ARIH1: variants seen among roughly 807,000 people sequenced by gnomAD.
ARIH1 encodes the protein E3 ubiquitin-protein ligase ARIH1.
ARIH1 carries 8 observed loss-of-function variants against 85.0 expected under a neutral mutation model. That is an observed-to-expected ratio of 0.09 (90% CI 0.06 to 0.17). ARIH1 has a LOEUF of 0.17. ARIH1 is among the 10% of genes least tolerant of loss of function. The probability of loss-of-function intolerance (pLI) is 1.00; values close to 1 mark genes in which losing one functional copy is unlikely to be tolerated. For missense variants in ARIH1, 311 were observed against 718.1 expected, an observed-to-expected ratio of 0.43 and a Z score of 6.48; for synonymous variants, 238 against 253.6, an observed-to-expected ratio of 0.94 and a Z score of 0.59.
chr15:72,517,429 AT>A (rs386383464), intron 1 of ARIH1, among the ~76,000 whole-genome samples: 101 of 146,274 alleles, frequency 6.9e-4, no homozygotes, highest in Middle Eastern at 3.5e-3. Flanking sequence ...TTTAAAACAA[AT>A]TTTTTTTTTT....
At chr15:72,552,661 G>C (rs1567354232) in intron 3 of ARIH1, among the ~76,000 whole-genome samples, 1 of 152,088 alleles carries the variant, frequency 6.6e-6, no homozygotes, top group African/African-American at 2.4e-5. Flanking sequence ...TACTGTTACA[G>C]TGTGTGTGTA....
intron 1 of ARIH1, among the ~76,000 whole-genome samples, chr15:72,492,507 C>G (rs1445558396): frequency 6.6e-6 from 1 of 152,200 alleles, no homozygotes; most frequent in Non-Finnish European, 1.5e-5. Flanking sequence ...ACTTTTTAAC[C>G]TGTTCACCAC....
intron 5 of ARIH1, among the ~76,000 whole-genome samples, chr15:72,559,578 G>A (rs1033255051): frequency 3.9e-5 from 6 of 152,100 alleles, no homozygotes; most frequent in African/African-American, 1.4e-4. Flanking sequence ...GCCAGCAACT[G>A]TATTTTTAAG....
At chr15:72,522,549 G>C (rs2064005011) in intron 2 of ARIH1, among the ~76,000 whole-genome samples, 1 of 151,686 alleles carries the variant, frequency 6.6e-6, no homozygotes, top group East Asian at 1.9e-4. Flanking sequence ...ACAAGAGAAT[G>C]AGGTAAAAAA....
chr15:72,566,306 T>C (rs1165205399), intron 7 of ARIH1: 1 of 427,340 alleles, frequency 2.3e-6, no homozygotes. Flanking sequence ...GCAACAATTA[T>C]TATGAAATTG....
At position 72,474,773 on chromosome 15, in the gene ARIH1, T is replaced by C. The variant is rs994449992; in HGVS notation, c.134T>C (p.Val45Ala). Residue 45 changes from valine to alanine, a missense_variant, in exon 1 of 14, where the codon GTG (valine) becomes GCG (alanine). Transcript: ENST00000379887. ...GATGATACCCTGGATCTGGGCGAGG[T>C]GGAGCTGGTGGAGCCCGGGCTGGGC... ...PDDDTLDLGE[V>A]ELVEPGLGVG... 1.1e-5 allele frequency: 17 copies of C among 1,530,608 alleles called. No individual in the cohort carries two copies. Among genetic ancestry groups the C allele is most frequent in the Non-Finnish European group, 1.5e-5 (17 of 1,137,370 alleles). The allele number at this position is 1,530,608 out of a possible 1,614,324, so 94.8% of individuals were successfully genotyped here. A position where few individuals can be genotyped will look rare whatever the true frequency, so the allele number is the denominator to read the frequency against.
chr15:72,543,308 G>C (rs2064115998), intron 2 of ARIH1, among the ~76,000 whole-genome samples: 2 of 152,026 alleles, frequency 1.3e-5, no homozygotes, highest in Non-Finnish European at 2.9e-5. Flanking sequence ...AGGGAGCCGA[G>C]ATGGCGCCAC....
intron 10 of ARIH1, among the ~76,000 whole-genome samples, chr15:72,571,231 AG>A (rs2064244861): frequency 6.6e-6 from 1 of 151,200 alleles, no homozygotes; most frequent in African/African-American, 2.4e-5. Context: ...GACAGGCAAA[AG>A]TTTAAGCTCT....
rs1258739175 is a variant in ARIH1 at position 72,484,185 on chromosome 15, AAAAAG to A, written c.375+9174_375+9178del. Among the ~76,000 whole-genome samples, 78 of 151,870 alleles carry A rather than the reference AAAAAG, an allele frequency of 5.1e-4. 1 individual carries two copies. Among genetic ancestry groups the A allele is most frequent in the South Asian group, 2.9e-3 (14 of 4,822 alleles). On this transcript the variant is annotated intron_variant, in intron 1 of 13. Transcript: ENST00000379887. ...TGAAACTCCATCAAAAAAAAAAAAA[AAAAAG>A]AAGAAAAGAAAAGAAAATTGTAGAT...
intron 1 of ARIH1, among the ~76,000 whole-genome samples, chr15:72,508,881 A>G (rs1411060616): frequency 4.6e-5 from 7 of 151,742 alleles, no homozygotes; most frequent in Admixed American, 4.6e-4. Flanking sequence ...TTTAGTAGAG[A>G]TGAGGTTTCA....
At chr15:72,527,669 G>C (rs879446891) in intron 2 of ARIH1, among the ~76,000 whole-genome samples, 12 of 152,120 alleles carry the variant, frequency 7.9e-5, no homozygotes, top group Admixed American at 1.3e-4. Flanking sequence ...AGCATCTTTG[G>C]AATTGTACTG....
intron 2 of ARIH1, among the ~76,000 whole-genome samples, chr15:72,536,097 A>G (rs2064080743): frequency 6.6e-6 from 1 of 152,210 alleles, no homozygotes; most frequent in South Asian, 2.1e-4. Context: ...GACAACCACC[A>G]GTAAAGATGA....
chr15:72,585,821 G>A lies in ARIH1; in HGVS notation c.*2529G>A, dbSNP rs1332163908. On this transcript the variant is annotated 3_prime_UTR_variant, in exon 14 of 14. Coordinates refer to ENST00000379887, the MANE Select transcript of ARIH1 (RefSeq NM_005744.5). ...CCATATTTGACAGAATTCCCAGAGT[G>A]AATTGCTTGTGTTATTAGTAGATTC... is the stretch of plus-strand genomic sequence containing the variant. 6.6e-6 allele frequency: 1 copy of A among 152,144 alleles called. No individual in the cohort carries two copies. Among genetic ancestry groups the A allele is most frequent in the Admixed American group, 6.6e-5 (1 of 15,252 alleles). The allele number at this position is 152,144 out of a possible 1,614,324, so 9.4% of individuals were successfully genotyped here. A position where few individuals can be genotyped will look rare whatever the true frequency, so the allele number is the denominator to read the frequency against.
At chr15:72,572,570 G>A (rs931810682) in intron 11 of ARIH1, among the ~76,000 whole-genome samples, 1 of 152,178 alleles carries the variant, frequency 6.6e-6, no homozygotes, top group African/African-American at 2.4e-5. Flanking sequence ...AGACATTCCA[G>A]TAAATATTGG....
intron 8 of ARIH1, 28 bp from the exon 9 acceptor site, chr15:72,567,078 T>A (rs1309388131): frequency 6.4e-7 from 1 of 1,555,962 alleles, no homozygotes; most frequent in East Asian, 2.3e-5. Flanking sequence ...TCTTTTGTTG[T>A]ATCCTAACCG....
At chr15:72,581,960 C>G in intron 12 of ARIH1, 115 bp from the exon 13 acceptor site, 1 of 646,964 alleles carries the variant, frequency 1.5e-6, no homozygotes, top group South Asian at 2.0e-5. Flanking sequence ...AGTTAAACCA[C>G]CTATGAAAGT....
chr15:72,531,638 G>C (rs2140417697), intron 2 of ARIH1, among the ~76,000 whole-genome samples: 1 of 152,206 alleles, frequency 6.6e-6, no homozygotes, highest in Admixed American at 6.5e-5. Context: ...AAATCAATGA[G>C]ATACAAGAAA....
At chr15:72,527,097 T>G (rs1447202647) in intron 2 of ARIH1, among the ~76,000 whole-genome samples, 2 of 152,188 alleles carry the variant, frequency 1.3e-5, no homozygotes, top group African/African-American at 4.8e-5. Context: ...TCTTGAACCT[T>G]TTCCTCCTTT....
chr15:72,550,496 T>C (rs759490154), intron 3 of ARIH1, among the ~76,000 whole-genome samples: 1 of 152,226 alleles, frequency 6.6e-6, no homozygotes, highest in Non-Finnish European at 1.5e-5. Flanking sequence ...TTTTACAGAA[T>C]ACCCCTTCCT....
Sources: gnomAD v4.1 joint callset for allele counts (sites outside exome capture counted in the v4.1 genomes callset) on GRCh38, gnomAD v4.1.1 for gene constraint, MANE v1.5 for transcripts, NCBI Gene and HGNC (gene_info 2026-07-23, HGNC 2026-07-21) for gene names.